Variants in ST3GAL1 observed in about 807,000 individuals in gnomAD.
ST3GAL1 encodes CMP-N-acetylneuraminate-beta-galactosamide-alpha-2,3-sialyltransferase 1.
In ST3GAL1, 16 loss-of-function variants were observed where a neutral mutation model predicts 34.1. That is an observed-to-expected ratio of 0.47 (90% CI 0.32 to 0.71). The LOEUF (loss-of-function observed/expected upper bound fraction) is 0.71, where lower values mean the gene tolerates loss of function less well. ST3GAL1 is among the 30% of genes least tolerant of loss of function. The pLI is 0.04. For missense variants in ST3GAL1, 353 were observed against 447.4 expected (o/e 0.79, Z 1.90); for synonymous variants, 191 against 184.7 (o/e 1.03, Z -0.28).
chr8:133,475,582 C>T (rs1282272002), intron 5 of ST3GAL1, 137 bp downstream of exon 5: 5 of 1,042,124 alleles, frequency 4.8e-6, no homozygotes, highest in Non-Finnish European at 5.4e-6. Context: ...CATTACCAGA[C>T]CCCTACCCTC....
intron 2 of ST3GAL1, among the ~76,000 whole-genome samples, chr8:133,506,377 C>T (rs115678365): frequency 9.3e-4 from 141 of 152,310 alleles, no homozygotes; most frequent in African/African-American, 3.2e-3. Flanking sequence ...CAAGGGCTCC[C>T]TAAATAAGAG....
intron 1 of ST3GAL1, among the ~76,000 whole-genome samples, chr8:133,549,822 C>T (rs533921236): frequency 3.9e-5 from 6 of 152,228 alleles, no homozygotes; most frequent in East Asian, 1.9e-4. Context: ...ATTAGCCAGG[C>T]ATGGTGGTGC....
intron 5 of ST3GAL1, among the ~76,000 whole-genome samples, chr8:133,468,056 G>C (rs183747206): frequency 6.6e-6 from 1 of 152,076 alleles, no homozygotes; most frequent in Non-Finnish European, 1.5e-5. Flanking sequence ...GTAAAAACTG[G>C]GTGGTTTTTC....
At chr8:133,481,216 C>T (rs757147328) in intron 3 of ST3GAL1, among the ~76,000 whole-genome samples, 7 of 152,246 alleles carry the variant, frequency 4.6e-5, no homozygotes, top group South Asian at 2.1e-4. Context: ...CAGAGAGGAC[C>T]GGTTGTCTCC....
At chr8:133,462,623 G>A (rs1228865359) in intron 8 of ST3GAL1, among the ~76,000 whole-genome samples, 1 of 152,150 alleles carries the variant, frequency 6.6e-6, no homozygotes, top group African/African-American at 2.4e-5. Context: ...AGGAGAGGGC[G>A]TGCACGTCCA....
chr8:133,544,897 T>A (rs1467600379), intron 2 of ST3GAL1, among the ~76,000 whole-genome samples: 2 of 144,654 alleles, frequency 1.4e-5, no homozygotes, highest in African/African-American at 5.0e-5. Flanking sequence ...CTCACAGACA[T>A]CAGCCTTCCT....
intron 1 of ST3GAL1, among the ~76,000 whole-genome samples, chr8:133,550,975 G>A (rs868032450): frequency 1.3e-4 from 20 of 152,186 alleles, no homozygotes; most frequent in African/African-American, 4.3e-4. Context: ...GGGCAAGTTT[G>A]CTTAATAAAT....
At chr8:133,529,539 G>C (rs920604557) in intron 2 of ST3GAL1, among the ~76,000 whole-genome samples, 1 of 152,278 alleles carries the variant, frequency 6.6e-6, no homozygotes, top group Admixed American at 6.5e-5. Flanking sequence ...GAATATCAAG[G>C]GACCCAGAGG....
chr8:133,481,724 G>A (rs1287650591), intron 3 of ST3GAL1, among the ~76,000 whole-genome samples: 3 of 151,910 alleles, frequency 2.0e-5, no homozygotes, highest in South Asian at 2.1e-4. Flanking sequence ...TCGAACTCTC[G>A]ACCTCAGGCG....
intron 2 of ST3GAL1, among the ~76,000 whole-genome samples, chr8:133,521,717 C>A (rs909825455): frequency 6.6e-6 from 1 of 152,156 alleles, no homozygotes; most frequent in East Asian, 1.9e-4. Flanking sequence ...AGTTTTCAAT[C>A]ATTAATAATG....
Position 133,486,047 on chromosome 8 carries a change from A to G in ST3GAL1, c.-373-9447T>C, listed in dbSNP as rs1014109917. On this transcript the variant is annotated intron_variant, in intron 3 of 9. Coordinates refer to ENST00000522652, the MANE Select transcript of ST3GAL1 (RefSeq NM_173344.3). ...CCGGTGCACATTGGCTGGGCCCACA[A>G]CAAGCTCCCGATGAAGGTACTGGGT... is the stretch of plus-strand genomic sequence containing the variant. Among the ~76,000 whole-genome samples the G allele has an allele frequency of 1.2e-4, 19 of 152,332 alleles. No homozygotes were observed. The East Asian group carries it at 1.4e-3, about 11-fold the overall frequency.
intron 2 of ST3GAL1, among the ~76,000 whole-genome samples, chr8:133,523,707 G>A (rs28501166): frequency 3.3e-5 from 5 of 152,166 alleles, no homozygotes; most frequent in South Asian, 2.1e-4. Flanking sequence ...ATTGACAAAT[G>A]TCTGTTGAGC....
intron 2 of ST3GAL1, among the ~76,000 whole-genome samples, chr8:133,540,470 G>A (rs957050446): frequency 1.8e-4 from 27 of 152,064 alleles, no homozygotes; most frequent in African/African-American, 6.5e-4. Context: ...AAACAGGCCT[G>A]GTTCTCTGAG....
At position 133,457,084 on chromosome 8, in the gene ST3GAL1, T is replaced by TCC; in HGVS notation, c.*2679_*2680insGG. 1 of 152,380 alleles carries TCC rather than the reference T, an allele frequency of 6.6e-6. No homozygotes were observed. The highest frequency in any genetic ancestry group is 2.4e-5 in the African/African-American group (1 of 41,564). 9.4% of individuals were successfully genotyped at this position (152,380 alleles called of 1,614,324 possible). A position where few individuals can be genotyped will look rare whatever the true frequency, so the allele number is the denominator to read the frequency against. On this transcript the variant is annotated 3_prime_UTR_variant, in exon 10 of 10. Coordinates refer to ENST00000522652, the MANE Select transcript of ST3GAL1 (RefSeq NM_173344.3). ...AAACATCAGGAACTAGAGTCAACAA[T>TCC]CGCTGTCCTCTCCCGTGCCTGTCAC... is the stretch of plus-strand genomic sequence containing the variant.
intron 3 of ST3GAL1, among the ~76,000 whole-genome samples, chr8:133,485,647 AG>A (rs1816558002): frequency 6.6e-6 from 1 of 152,234 alleles, no homozygotes; most frequent in South Asian, 2.1e-4. Flanking sequence ...CAGATGCCCA[AG>A]TCCCAAGACC....
intron 3 of ST3GAL1, among the ~76,000 whole-genome samples, chr8:133,493,355 G>A (rs1816840632): frequency 6.6e-6 from 1 of 152,198 alleles, no homozygotes; most frequent in Non-Finnish European, 1.5e-5. Context: ...GGAGGTCTAG[G>A]GACGGCGATG....
At chr8:133,480,736 T>C (rs1223546835) in intron 3 of ST3GAL1, among the ~76,000 whole-genome samples, 1 of 152,246 alleles carries the variant, frequency 6.6e-6, no homozygotes, top group Non-Finnish European at 1.5e-5. Context: ...TGTGGCTTTC[T>C]GTGTAGCCGT....
intron 3 of ST3GAL1, among the ~76,000 whole-genome samples, chr8:133,490,499 A>G (rs1020907887): frequency 6.6e-6 from 1 of 152,236 alleles, no homozygotes; most frequent in African/African-American, 2.4e-5. Flanking sequence ...CAAGGGCCTT[A>G]GTGATCCACA....
chr8:133,458,181 G>A lies in ST3GAL1; in HGVS notation c.*1583C>T, dbSNP rs1287984620. The stretch of plus-strand genomic sequence containing the variant: ...TAGATACCCCCAATATCCCACGTCC[G>A]AGGACTCCTACAAACCTCCCTTAAG... On this transcript the variant is annotated 3_prime_UTR_variant, in exon 10 of 10. Transcript: ENST00000522652. 2.6e-5 allele frequency: 4 copies of A among 152,246 alleles called. No individual in the cohort carries two copies. Among genetic ancestry groups the A allele is most frequent in the Middle Eastern group, 3.4e-3 (1 of 294 alleles). 9.4% of individuals were successfully genotyped at this position (152,246 alleles called of 1,614,324 possible).
Sources: allele counts gnomAD v4.1 joint callset (sites outside exome capture counted in the v4.1 genomes callset), GRCh38; gene constraint gnomAD v4.1.1; transcripts MANE v1.5; gene names NCBI Gene and HGNC (gene_info 2026-07-23, HGNC 2026-07-21).